SMARCA4: variants seen among roughly 807,000 people sequenced by gnomAD.
The protein encoded by SMARCA4 is SWI/SNF related BAF chromatin remodeling complex subunit ATPase 4.
Under a neutral mutation model 193.9 loss-of-function variants are expected in SMARCA4, and 31 were observed. That is an observed-to-expected ratio of 0.16 (90% CI 0.12 to 0.22). SMARCA4 has a LOEUF of 0.22. Among genes scored for constraint, SMARCA4 ranks in the 10% least tolerant of loss-of-function variants. SMARCA4 has a pLI of 1.00. For missense variants in SMARCA4, 1,148 were observed against 2,296.0 expected (o/e 0.50, Z 10.22); for synonymous variants, 942 against 933.1 (o/e 1.01, Z -0.17).
At position 10,986,553 on chromosome 19, in the gene SMARCA4, G is replaced by C. The variant is rs1023059961; in HGVS notation, c.720G>C (p.Pro240=). ...CTGGCCCTGGCCCTGGCCCCGGCCC[G>C]GGTCCCGGCCCGGCACCTCCAAATT... ...PGPGPGPGPG[P]GPGPAPPNYS... is the part of the protein sequence containing the mutation. The change falls in exon 4 of 35, where the codon CCG becomes CCC. Residue 240 remains proline (P), a synonymous_variant. Transcript: ENST00000344626. The surrounding 1 kb of genome is among the most constrained non-coding windows in gnomAD (Gnocchi z 6.7). 6.5e-7 allele frequency: 1 copy of C among 1,538,778 alleles called. No homozygotes were observed. Among genetic ancestry groups the C allele is most frequent in the Admixed American group, 2.0e-5 (1 of 50,932 alleles).
intron 29 of SMARCA4, among the ~76,000 whole-genome samples, chr19:11,035,346 G>A (rs188976327): frequency 6.6e-6 from 1 of 152,358 alleles, no homozygotes; most frequent in African/African-American, 2.4e-5. Context: ...AGGACCCACG[G>A]TTCCTGAGCA....
intron 21 of SMARCA4, among the ~76,000 whole-genome samples, 171 bp downstream of exon 21, chr19:11,024,609 C>G (rs1048011196): frequency 1.3e-5 from 2 of 152,204 alleles, no homozygotes; most frequent in African/African-American, 4.8e-5. Flanking sequence ...GACACACTGA[C>G]TCAGCTGCCA....
chr19:11,026,217 A>G (rs2090242746), intron 22 of SMARCA4, 83 bp from the exon 23 acceptor site: 4 of 1,095,694 alleles, frequency 3.7e-6, no homozygotes, highest in Non-Finnish European at 5.6e-6. Context: ...TTGTCCTCTG[A>G]GCACGAGCGG....
At chr19:11,046,073 A>C (rs957624948) in intron 30 of SMARCA4, among the ~76,000 whole-genome samples, 3 of 152,184 alleles carry the variant, frequency 2.0e-5, no homozygotes, top group Non-Finnish European at 4.4e-5. Context: ...AATACAAAAA[A>C]TTAGCCAGGC....
chr19:11,061,758 A>G, intron 34 of SMARCA4, 26 bp from the exon 35 acceptor site: 1 of 1,612,216 alleles, frequency 6.2e-7, no homozygotes, highest in Non-Finnish European at 8.5e-7. Context: ...GCCAACGCAC[A>G]CTCTCTCCTC....
intron 30 of SMARCA4, among the ~76,000 whole-genome samples, chr19:11,054,110 G>A (rs904889824): frequency 5.9e-5 from 9 of 152,320 alleles, no homozygotes; most frequent in Non-Finnish European, 1.0e-4. Context: ...TGGCTACAAG[G>A]ACAAGCACCA....
In SMARCA4 at chr19:11,008,973, C is replaced by CAA. The variant is rs558392151; in HGVS notation, c.2123+963_2123+964dup. 5.3e-3 allele frequency among the ~76,000 whole-genome samples: 265 copies of CAA among 50,028 alleles called. 2 individuals are homozygous for CAA. The highest frequency in any genetic ancestry group is 0.022 in the African/African-American group (257 of 11,720). The allele number at this position is 50,028 out of a possible 152,430, so 32.8% of individuals were successfully genotyped here. A position where few individuals can be genotyped will look rare whatever the true frequency, so the allele number is the denominator to read the frequency against. On this transcript the variant is annotated intron_variant, in intron 14 of 34. Coordinates refer to ENST00000344626, the MANE Select transcript of SMARCA4 (RefSeq NM_003072.5). Reference sequence around the variant, plus strand: ...TGGGCAACAGAGGGAGACTCCATCTCAAAAAAAAAAAAAATGTAGGTGGAT... The same window carrying CAA: ...TGGGCAACAGAGGGAGACTCCATCTCAAAAAAAAAAAAAAAATGTAGGTGGAT...
intron 30 of SMARCA4, among the ~76,000 whole-genome samples, chr19:11,055,953 T>C (rs1253714619): frequency 6.6e-6 from 1 of 151,784 alleles, no homozygotes; most frequent in Non-Finnish European, 1.5e-5. Flanking sequence ...GACTATCGCA[T>C]TGGGGTTCTT....
Position 10,987,847 on chromosome 19 carries a change from G to C in SMARCA4, c.1041G>C (p.Gln347His), listed in dbSNP as rs773687860. 3.0e-5 allele frequency: 49 copies of C among 1,611,998 alleles called. No homozygotes were observed. Among genetic ancestry groups the C allele is most frequent in the Non-Finnish European group, 4.2e-5 (49 of 1,179,508 alleles). ...CCGCGCCCATGGTGCCACTGCACCA[G>C]AAGCAGAGCCGCATCACCCCCATCC... ...AQPAPMVPLH[Q>H]KQSRITPIQK... Residue 347 changes from glutamine (Q) to histidine (H), a missense_variant, in exon 6 of 35, where the codon CAG (glutamine) becomes CAC (histidine). By Grantham distance (24) the Gln-to-His change is conservative (BLOSUM62 0). Transcript: ENST00000344626. The surrounding 1 kb of genome is among the most constrained non-coding windows in gnomAD (Gnocchi z 5.3).
intron 30 of SMARCA4, among the ~76,000 whole-genome samples, chr19:11,054,216 A>G (rs1212180519): frequency 6.6e-6 from 1 of 152,232 alleles, no homozygotes; most frequent in Admixed American, 6.5e-5. Flanking sequence ...ACTGCAAACT[A>G]AACACTTGTT....
chr19:11,044,153 C>T (rs2075770432), intron 30 of SMARCA4, among the ~76,000 whole-genome samples: 1 of 152,116 alleles, frequency 6.6e-6, no homozygotes, highest in Non-Finnish European at 1.5e-5. Context: ...CACTGGTCTC[C>T]TGGGTATCCA....
At chr19:11,006,782 A>G (rs2088250669) in intron 13 of SMARCA4, among the ~76,000 whole-genome samples, 1 of 152,118 alleles carries the variant, frequency 6.6e-6, no homozygotes, top group African/African-American at 2.4e-5. Context: ...ATACCCTGAG[A>G]TAGCCTTAAA....
chr19:11,058,121 C>T lies in SMARCA4; in HGVS notation c.4425-134C>T, dbSNP rs545699632. ...AACTCCGTCTCAAAAAAAAAAAAAG[C>T]GCATGTGCAAGAAATAGCTCCTGAG... On this transcript the variant is annotated intron_variant, in intron 30 of 34. Coordinates refer to ENST00000344626, the MANE Select transcript of SMARCA4 (RefSeq NM_003072.5). This position sits in a 1 kb window ranked among gnomAD's most constrained non-coding sequence, Gnocchi z 5.8. 47 of 633,472 alleles carry T rather than the reference C, an allele frequency of 7.4e-5. No individual in the cohort carries two copies. Among genetic ancestry groups the T allele is most frequent in the Middle Eastern group, 8.5e-4 (2 of 2,366 alleles). 39.2% of individuals were successfully genotyped at this position (633,472 alleles called of 1,614,324 possible).
chr19:10,984,095 C>G lies in SMARCA4; in HGVS notation c.-31-26C>G. 1.9e-6 allele frequency: 3 copies of G among 1,609,018 alleles called. No homozygotes were observed. Among genetic ancestry groups the G allele is most frequent in the South Asian group, 1.1e-5 (1 of 90,748 alleles). On this transcript the variant is annotated intron_variant, in intron 1 of 34. Transcript: ENST00000344626. The surrounding 1 kb of genome is among the most constrained non-coding windows in gnomAD (Gnocchi z 4.3). ...CCTGCCTCGCCCTTGGTCATGAACCCCAGACTGACCAGGACTGTCTTCCAG... is the reference window on the plus strand; with the variant it reads ...CCTGCCTCGCCCTTGGTCATGAACCGCAGACTGACCAGGACTGTCTTCCAG...
chr19:10,996,115 A>G, intron 9 of SMARCA4, 98 bp from the exon 10 acceptor site: 1 of 1,215,430 alleles, frequency 8.2e-7, no homozygotes, highest in Non-Finnish European at 1.2e-6. Context: ...CGCGTGAGCT[A>G]CGCGTGCCCT....
chr19:10,964,553 C>T (rs1416705366), intron 1 of SMARCA4, among the ~76,000 whole-genome samples: 2 of 151,772 alleles, frequency 1.3e-5, no homozygotes, highest in South Asian at 2.1e-4. Context: ...TCAACTGATC[C>T]ACCCACCTTG....
At chr19:10,992,420 ATT>A (rs927402603) in intron 8 of SMARCA4, among the ~76,000 whole-genome samples, 413 of 118,504 alleles carry the variant, frequency 3.5e-3, no homozygotes, top group African/African-American at 0.012. Context: ...CCTGGCCAAC[ATT>A]TTTTTTTTTT....
chr19:10,974,656 G>T (rs2084949010), intron 1 of SMARCA4, among the ~76,000 whole-genome samples: 1 of 102,828 alleles, frequency 9.7e-6, no homozygotes, highest in Non-Finnish European at 1.9e-5. Context: ...TCTATGCATG[G>T]ATTAACATGC....
Position 11,034,827 on chromosome 19 carries a change from G to T in SMARCA4, c.3952-87G>T. 1.4e-5 allele frequency: 12 copies of T among 866,690 alleles called. 1 individual carries two copies. The South Asian group carries it at 1.7e-4, about 12-fold the overall frequency. 53.7% of individuals were successfully genotyped at this position (866,690 alleles called of 1,614,324 possible). A position where few individuals can be genotyped will look rare whatever the true frequency, so the allele number is the denominator to read the frequency against. On this transcript the variant is annotated intron_variant, in intron 28 of 34. Transcript: ENST00000344626. The surrounding 1 kb of genome is among the most constrained non-coding windows in gnomAD (Gnocchi z 7.0). ...CGTGGAGCCCCACGGGCAGAGAAAG[G>T]CCCTTCTGAACTCTCGGTGTTCTGG...
Sources: gnomAD v4.1 joint callset for allele counts (sites outside exome capture counted in the v4.1 genomes callset) on GRCh38, gnomAD v4.1.1 for gene constraint, Gnocchi (gnomAD v3.1) non-coding constraint, MANE v1.5 for transcripts, NCBI Gene and HGNC (gene_info 2026-07-23, HGNC 2026-07-21) for gene names.